The following PNISR variants were observed in gnomAD, a reference collection of about 807,000 sequenced individuals.
The protein encoded by PNISR is arginine/serine-rich protein PNISR.
In PNISR, 20 loss-of-function variants were observed where a neutral mutation model predicts 93.4. That is an observed-to-expected ratio of 0.21 (90% CI 0.15 to 0.31). The LOEUF is 0.31. PNISR is among the 10% of genes least tolerant of loss of function. The pLI, the probability that PNISR is intolerant of heterozygous loss-of-function variation, is 1.00. For synonymous variants in PNISR, 305 were observed against 306.5 expected (o/e 0.99, Z 0.05); for missense variants, 893 against 985.4 (o/e 0.91, Z 1.25).
In PNISR at chr6:99,409,237, T is replaced by C. The variant is rs766908013; in HGVS notation, c.609A>G (p.Ser203=). Reference sequence around the variant, plus strand: ...GTGAACGCTGACGATCCCTGAATGATGATGGCCTTTCTCTTCGATTCTGGG... The same window carrying C: ...GTGAACGCTGACGATCCCTGAATGACGATGGCCTTTCTCTTCGATTCTGGG... ...APPQNRRERP[S]SFRDRQRSPI... The change falls in exon 6 of 12, where the codon TCA becomes TCG. Residue 203 remains serine (S), a synonymous_variant. Transcript: ENST00000369239. The C allele has an allele frequency of 2.0e-5, 33 of 1,613,914 alleles. No individual in the cohort carries two copies. Among genetic ancestry groups the C allele is most frequent in the Non-Finnish European group, 2.7e-5 (32 of 1,179,934 alleles).
intron 1 of PNISR, among the ~76,000 whole-genome samples, chr6:99,424,746 G>T (rs1007661107): frequency 6.6e-6 from 1 of 152,240 alleles, no homozygotes; most frequent in African/African-American, 2.4e-5. Flanking sequence ...TACCTTTAGC[G>T]AAGCTTAACA....
At chr6:99,420,528 C>T (rs1189406654) in intron 1 of PNISR, among the ~76,000 whole-genome samples, 1 of 152,188 alleles carries the variant, frequency 6.6e-6, no homozygotes, top group Non-Finnish European at 1.5e-5. Flanking sequence ...ACTACTCTTT[C>T]TTCCTTCATC....
At chr6:99,412,887 G>C in intron 3 of PNISR, 148 bp from the exon 4 acceptor site, 1 of 469,896 alleles carries the variant, frequency 2.1e-6, no homozygotes, top group Middle Eastern at 3.1e-4. Flanking sequence ...AATTTTTTTT[G>C]AATGAGATCT....
At chr6:99,425,013 C>T in intron 1 of PNISR, 4 of 386,446 alleles carry the variant, frequency 1.0e-5, no homozygotes, top group Non-Finnish European at 1.8e-5. Flanking sequence ...CTCTCTTTAA[C>T]AAGGACATTT....
rs1166838873 is a variant in PNISR, at chr6:99,419,152, C to CAAAAAAAA, written c.-111-2732_-111-2725dup. On this transcript the variant is annotated intron_variant, in intron 1 of 11. Transcript: ENST00000369239. ...TGGGTGCCAGAGCGAGACTCCGTCTCAAAAAAAAAAAAAAAAAAAAAAAAA... is the reference window on the plus strand; with the variant it reads ...TGGGTGCCAGAGCGAGACTCCGTCTCAAAAAAAAAAAAAAAAAAAAAAAAAAAAAAAAA... 5.0e-3 allele frequency among the ~76,000 whole-genome samples: 100 copies of CAAAAAAAA among 19,820 alleles called. 34 individuals carry two copies. Among genetic ancestry groups the CAAAAAAAA allele is most frequent in the Admixed American group, 8.6e-3 (8 of 928 alleles). 13.0% of individuals were successfully genotyped at this position (19,820 alleles called of 152,430 possible).
chr6:99,407,835 TAC>T (rs2128483560), intron 7 of PNISR, among the ~76,000 whole-genome samples: 1 of 152,346 alleles, frequency 6.6e-6, no homozygotes, highest in Admixed American at 6.5e-5. Flanking sequence ...AATGAATGAA[TAC>T]AGATTGTTTA....
intron 6 of PNISR, 115 bp downstream of exon 6, chr6:99,409,058 G>A: frequency 2.6e-6 from 2 of 774,868 alleles, no homozygotes; most frequent in African/African-American, 1.7e-5. Context: ...AAAATAAAGT[G>A]TCAATTCCTA....
chr6:99,412,680 G>A lies in PNISR; in HGVS notation c.148C>T (p.Gln50Ter). ...AWIAQREASGQQSMVEQPPGM... is the reference protein window; with the variant it reads ...AWIAQREASG ...GGTGGTTGTTCTACCATGCTTTGCT[G>A]TCCTGAAGCTTCTCTTTGGGCAATC... The change falls in exon 4 of 12, where the codon CAG becomes TAG. Residue 50 changes from glutamine (Q) to a stop codon, truncating the protein, a stop_gained. Coordinates refer to ENST00000369239, the MANE Select transcript of PNISR (RefSeq NM_032870.4). LOFTEE classifies it high-confidence loss of function. 6.2e-7 allele frequency: 1 copy of A among 1,610,718 alleles called. No individual in the cohort carries two copies. Among genetic ancestry groups the A allele is most frequent in the Non-Finnish European group, 8.5e-7 (1 of 1,178,922 alleles).
intron 1 of PNISR, among the ~76,000 whole-genome samples, chr6:99,422,041 T>A (rs868734707): frequency 1.3e-5 from 2 of 152,224 alleles, no homozygotes; most frequent in Middle Eastern, 3.4e-3. Flanking sequence ...AATGTTTGTA[T>A]TTTTTAGTAG....
At position 99,403,818 on chromosome 6, in the gene PNISR, A is replaced by G. The variant is rs753346012; in HGVS notation, c.1156+11T>C. 1.2e-6 allele frequency: 2 copies of G among 1,609,524 alleles called. No individual in the cohort carries two copies. The highest frequency in any genetic ancestry group is 2.2e-5 in the East Asian group (1 of 44,850). ...CCTTTAGGCCCTCTCACAAATATGG[A>G]AAACACTTACCGAGTCCAGTGAGGG... is the stretch of plus-strand genomic sequence containing the variant. On this transcript the variant is annotated intron_variant, in intron 10 of 11. Coordinates refer to ENST00000369239, the MANE Select transcript of PNISR (RefSeq NM_032870.4).
At position 99,409,258 on chromosome 6, in the gene PNISR, C is replaced by A. The variant is rs1582797869; in HGVS notation, c.588G>T (p.Gln196His). 6.2e-7 allele frequency: 1 copy of A among 1,614,004 alleles called. No homozygotes were observed. Among genetic ancestry groups the A allele is most frequent in the African/African-American group, 1.3e-5 (1 of 75,040 alleles). The change falls in exon 6 of 12, where the codon CAG becomes CAT. Residue 196 changes from glutamine (Q) to histidine (H), a missense_variant. Transcript: ENST00000369239. ...ATGATGATGGCCTTTCTCTTCGATT[C>A]TGGGGAGGTGCTGGAGGTCCTGGAG... ...PGPPGPPAPP[Q>H]NRRERPSSFR...
chr6:99,403,794 CTT>C, intron 10 of PNISR, 33 bp downstream of exon 10: 2 of 1,533,760 alleles, frequency 1.3e-6, no homozygotes, highest in Non-Finnish European at 1.8e-6. Flanking sequence ...TGATTTTTCC[CTT>C]TAGGCCCTCT....
chr6:99,403,767 G>A, intron 10 of PNISR, 62 bp downstream of exon 10: 3 of 1,201,560 alleles, frequency 2.5e-6, no homozygotes, highest in Admixed American at 1.8e-5. Context: ...AGAACACGCA[G>A]AGAGACAATG....
Position 99,400,939 on chromosome 6 carries a change from T to C in PNISR, c.2019A>G (p.Ile673Met), listed in dbSNP as rs745756973. The stretch of plus-strand genomic sequence containing the variant: ...TGTCTTTCTTTTTCCTATCTTTATC[T>C]ATACTTCGACTCCTCTCCTTTTTCC... ...QERKKERSRSIDKDRKKKDKE... is the reference protein window; with the variant it reads ...QERKKERSRSMDKDRKKKDKE... Residue 673 changes from isoleucine to methionine, a missense_variant, in exon 12 of 12, where the codon ATA becomes ATG. Transcript: ENST00000369239. The C allele has an allele frequency of 2.5e-6, 4 of 1,577,580 alleles. No homozygotes were observed. Among genetic ancestry groups the C allele is most frequent in the South Asian group, 2.2e-5 (2 of 90,228 alleles).
intron 9 of PNISR, 123 bp downstream of exon 9, chr6:99,404,480 A>G: frequency 1.4e-6 from 1 of 714,772 alleles, no homozygotes; most frequent in East Asian, 2.7e-5. Context: ...TTAAGAGTTA[A>G]AACATGCAAG....
At chr6:99,402,036 G>C (rs543890337) in intron 11 of PNISR, among the ~76,000 whole-genome samples, 59 of 152,150 alleles carry the variant, frequency 3.9e-4, no homozygotes, top group Non-Finnish European at 7.5e-4. Flanking sequence ...TGTGAGGCAA[G>C]TAGGAAAAGA....
At position 99,398,875 on chromosome 6, in the gene PNISR, T is replaced by G. The variant is rs1163152798; in HGVS notation, c.*1665A>C. 3 of 152,128 alleles carry G rather than the reference T, an allele frequency of 2.0e-5. No individual in the cohort carries two copies. The highest frequency in any genetic ancestry group is 2.0e-4 in the Admixed American group (3 of 15,278). The allele number at this position is 152,128 out of a possible 1,614,324, so 9.4% of individuals were successfully genotyped here. ...CTAAACTATATAGAATTTCAAACTA[T>G]TTTAAAGTTATTCTGTGAAATGTCA... On this transcript the variant is annotated 3_prime_UTR_variant, in exon 12 of 12. Coordinates refer to ENST00000369239, the MANE Select transcript of PNISR (RefSeq NM_032870.4).
intron 1 of PNISR, chr6:99,424,944 CAACA>C: frequency 3.2e-6 from 1 of 312,598 alleles, no homozygotes; most frequent in Non-Finnish European, 5.8e-6. Flanking sequence ...GTCAGGAACC[CAACA>C]ATTAGTCCCT....
intron 11 of PNISR, among the ~76,000 whole-genome samples, chr6:99,402,246 G>A (rs1775596765): frequency 6.6e-6 from 1 of 152,090 alleles, no homozygotes; most frequent in Non-Finnish European, 1.5e-5. Context: ...ATATATCCTA[G>A]CTACAAATTA....
Sources: allele counts gnomAD v4.1 joint callset (sites outside exome capture counted in the v4.1 genomes callset), GRCh38; gene constraint gnomAD v4.1.1; transcripts MANE v1.5; gene names NCBI Gene and HGNC (gene_info 2026-07-23, HGNC 2026-07-21).